The following CACNB4 variants were observed in gnomAD, a reference collection of about 807,000 sequenced individuals.
CACNB4 encodes calcium voltage-gated channel auxiliary subunit beta 4.
In CACNB4, 32 loss-of-function variants were observed where a neutral mutation model predicts 71.2. That is an observed-to-expected ratio of 0.45 (90% CI 0.34 to 0.60). The LOEUF is 0.60. CACNB4 is among the 20% of genes least tolerant of loss of function. CACNB4 has a pLI of 0.01. For synonymous variants in CACNB4, 231 were observed against 236.9 expected (o/e 0.97, Z 0.23); for missense variants, 464 against 647.9 (o/e 0.72, Z 3.08).
intron 2 of CACNB4, among the ~76,000 whole-genome samples, chr2:151,980,703 G>A (rs62176800): frequency 0.022 from 3,353 of 152,280 alleles, 44 homozygotes; most frequent in Middle Eastern, 0.031. Context: ...ATTTTTTAGA[G>A]CTAAGAAAAC....
At chr2:152,034,833 G>GTGT (rs1362670876) in intron 2 of CACNB4, among the ~76,000 whole-genome samples, 2 of 152,170 alleles carry the variant, frequency 1.3e-5, no homozygotes, top group Non-Finnish European at 2.9e-5. Context: ...AATAAGTACT[G>GTGT]TGTGGTGCTG....
At chr2:151,963,897 C>T (rs774930305) in intron 2 of CACNB4, among the ~76,000 whole-genome samples, 3 of 151,738 alleles carry the variant, frequency 2.0e-5, no homozygotes, top group Non-Finnish European at 4.4e-5. Context: ...GTGAAACTCC[C>T]GTCTCTACTA....
chr2:151,878,770 A>G (rs983990946), intron 4 of CACNB4, among the ~76,000 whole-genome samples: 1 of 150,460 alleles, frequency 6.6e-6, no homozygotes, highest in Non-Finnish European at 1.5e-5. Flanking sequence ...AGCTGGGTGT[A>G]GTAGTGCACC....
At chr2:152,067,518 G>A (rs1686414716) in intron 2 of CACNB4, among the ~76,000 whole-genome samples, 1 of 152,058 alleles carries the variant, frequency 6.6e-6, no homozygotes, top group African/African-American at 2.4e-5. Flanking sequence ...GCCTGATAAT[G>A]TATTCTTGTA....
intron 2 of CACNB4, among the ~76,000 whole-genome samples, chr2:152,031,373 G>A (rs2139417): frequency 0.18 from 27,629 of 152,190 alleles, 3,794 homozygotes; most frequent in East Asian, 0.74. Flanking sequence ...GTTATACAAT[G>A]CATGTAGTTC....
At chr2:152,052,182 T>C (rs1490741257) in intron 2 of CACNB4, among the ~76,000 whole-genome samples, 1 of 152,266 alleles carries the variant, frequency 6.6e-6, no homozygotes, top group African/African-American at 2.4e-5. Context: ...AGAATACATA[T>C]GTTAGCCTAC....
rs1578558297 is a variant in CACNB4, at chr2:151,872,314, A to C, written c.598+103T>G. 6 of 693,866 alleles carry C rather than the reference A, an allele frequency of 8.6e-6. No homozygotes were observed. The East Asian group carries it at 1.6e-4, about 18-fold the overall frequency. The allele number at this position is 693,866 out of a possible 1,614,324, so 43.0% of individuals were successfully genotyped here. A position where few individuals can be genotyped will look rare whatever the true frequency, so the allele number is the denominator to read the frequency against. On this transcript the variant is annotated intron_variant, in intron 6 of 13. Transcript: ENST00000539935. ...TATTAATTAGAGAATCTTTAAATTA[A>C]GCCTTCAAATTGTTTCCAAATTAGC...
At chr2:152,045,647 T>C (rs1685108886) in intron 2 of CACNB4, among the ~76,000 whole-genome samples, 1 of 151,594 alleles carries the variant, frequency 6.6e-6, no homozygotes, top group African/African-American at 2.4e-5. Flanking sequence ...AATGAAAAGG[T>C]GGATCAAAGT....
intron 2 of CACNB4, among the ~76,000 whole-genome samples, chr2:152,069,967 T>C (rs1358624399): frequency 8.0e-5 from 12 of 150,894 alleles, no homozygotes; most frequent in Non-Finnish European, 1.5e-4. Flanking sequence ...CTCAGCCTCC[T>C]GAGTAGCTGC....
chr2:151,997,316 C>T (rs1026962997), intron 2 of CACNB4, among the ~76,000 whole-genome samples: 3 of 152,172 alleles, frequency 2.0e-5, no homozygotes, highest in East Asian at 1.9e-4. Context: ...AGGCGGATCA[C>T]GAGGTCAGGA....
Position 151,846,528 on chromosome 2 carries a change from CTTTT to C in CACNB4, c.1117-4444_1117-4441del, listed in dbSNP as rs202029407. 3.3e-5 allele frequency among the ~76,000 whole-genome samples: 5 copies of C among 151,866 alleles called. No individual in the cohort carries two copies. In the East Asian group the frequency reaches 9.7e-4, roughly 29 times the overall value. Reference sequence around the variant, plus strand: ...AACTAATTTTGCAGTTTAATTTTAACTTTTGTTTGTTTGTTTTTTGTTTTGTTTT... The same window carrying C: ...AACTAATTTTGCAGTTTAATTTTAACGTTTGTTTGTTTTTTGTTTTGTTTT... On this transcript the variant is annotated intron_variant, in intron 12 of 13. Transcript: ENST00000539935.
intron 2 of CACNB4, chr2:151,971,960 G>T: frequency 3.6e-6 from 1 of 277,920 alleles, no homozygotes; most frequent in Non-Finnish European, 6.9e-6. Flanking sequence ...CAGCACTGCA[G>T]TACCTAGCAC....
intron 2 of CACNB4, among the ~76,000 whole-genome samples, chr2:151,992,665 G>C (rs1681776436): frequency 6.6e-6 from 1 of 152,180 alleles, no homozygotes; most frequent in Non-Finnish European, 1.5e-5. Flanking sequence ...GGGGAGCAGA[G>C]CAAATTTAAG....
At chr2:151,973,848 G>A (rs1409008317) in intron 2 of CACNB4, 46 of 1,486,248 alleles carry the variant, frequency 3.1e-5, no homozygotes, top group Non-Finnish European at 3.9e-5. Context: ...GATTTACCAG[G>A]CAAGATGCTA....
intron 2 of CACNB4, among the ~76,000 whole-genome samples, chr2:151,987,582 T>A (rs1681442801): frequency 6.6e-6 from 1 of 152,224 alleles, no homozygotes; most frequent in Admixed American, 6.5e-5. Context: ...TGTACCAAAC[T>A]TGGTGACTGG....
chr2:151,854,878 G>T (rs1320788147), intron 11 of CACNB4: 1 of 177,504 alleles, frequency 5.6e-6, no homozygotes, highest in African/African-American at 2.4e-5. Flanking sequence ...ACAGAGTATG[G>T]ATGACACAGG....
chr2:152,036,884 C>T (rs1445731290), intron 2 of CACNB4, among the ~76,000 whole-genome samples: 2 of 152,142 alleles, frequency 1.3e-5, no homozygotes, highest in African/African-American at 2.4e-5. Flanking sequence ...GAGATTCCTT[C>T]GAAGAGTTTC....
intron 2 of CACNB4, among the ~76,000 whole-genome samples, chr2:151,935,542 A>T (rs748910941): frequency 6.6e-6 from 1 of 152,244 alleles, no homozygotes; most frequent in African/African-American, 2.4e-5. Context: ...CAACCTGGTT[A>T]TCTGAACCTA....
chr2:151,945,270 CACAGGTAGA>C (rs1395356221), intron 2 of CACNB4, among the ~76,000 whole-genome samples: 1 of 152,210 alleles, frequency 6.6e-6, no homozygotes, highest in Admixed American at 6.5e-5. Context: ...CAGCCTTACA[CACAGGTAGA>C]ACAGGCAGAC....
Sources: gnomAD v4.1 joint callset for allele counts (sites outside exome capture counted in the v4.1 genomes callset) on GRCh38, gnomAD v4.1.1 for gene constraint, MANE v1.5 for transcripts, NCBI Gene and HGNC (gene_info 2026-07-23, HGNC 2026-07-21) for gene names.